CTHRC1: variants seen among roughly 807,000 people sequenced by gnomAD.
CTHRC1 encodes collagen triple helix repeat-containing protein 1.
In CTHRC1, 21 loss-of-function variants were observed where a neutral mutation model predicts 25.9. That is an observed-to-expected ratio of 0.81 (90% CI 0.57 to 1.17). The LOEUF is 1.17. Ranked by LOEUF, CTHRC1 falls within the 50% of genes most tolerant of loss-of-function variation. CTHRC1 has a pLI of 0.00. For synonymous variants in CTHRC1, 109 were observed against 113.1 expected (o/e 0.96, Z 0.23); for missense variants, 281 against 304.3 (o/e 0.92, Z 0.57).
intron 2 of CTHRC1, among the ~76,000 whole-genome samples, chr8:103,377,677 T>C (rs1366198783): frequency 6.6e-6 from 1 of 152,228 alleles, no homozygotes; most frequent in Non-Finnish European, 1.5e-5. Flanking sequence ...AATTTCGGCT[T>C]ACTGCAACCT....
rs1815794013 is a variant in CTHRC1 at position 103,375,839 on chromosome 8, T to C, written c.252T>C (p.Asp84=). The C allele has an allele frequency of 6.2e-7, 1 of 1,613,884 alleles. No homozygotes were observed. Among genetic ancestry groups the C allele is most frequent in the Non-Finnish European group, 8.5e-7 (1 of 1,179,992 alleles). The part of the protein sequence containing the change: ...IPGTPGIPGR[D]GFKGEKGECL... Reference sequence around the variant, plus strand: ...GTACACCTGGGATCCCAGGTCGGGATGGATTCAAAGGAGAAAAGGGGGAAT... The same window carrying C: ...GTACACCTGGGATCCCAGGTCGGGACGGATTCAAAGGAGAAAAGGGGGAAT... The change falls in exon 2 of 4, where the codon GAT becomes GAC. Residue 84 remains aspartate, a synonymous_variant. Coordinates refer to ENST00000330295, the MANE Select transcript of CTHRC1 (RefSeq NM_138455.4).
intron 1 of CTHRC1, 113 bp downstream of exon 1, chr8:103,371,919 T>C: frequency 9.6e-7 from 1 of 1,041,938 alleles, no homozygotes; most frequent in Non-Finnish European, 1.3e-6. Context: ...TGTACAGCTG[T>C]GTGTCGTGTG....
At position 103,378,219 on chromosome 8, in the gene CTHRC1, A is replaced by G. The variant is rs781221924; in HGVS notation, c.565A>G (p.Ile189Val). 1.2e-6 allele frequency: 2 copies of G among 1,613,234 alleles called. No homozygotes were observed. The highest frequency in any genetic ancestry group is 2.7e-5 in the African/African-American group (2 of 74,924). Residue 189 changes from isoleucine to valine, a missense_variant, in exon 3 of 4, where the codon ATT (isoleucine) becomes GTT (valine). Physicochemically the swap from Ile to Val is conservative, Grantham distance 29 (BLOSUM62 3). Coordinates refer to ENST00000330295, the MANE Select transcript of CTHRC1 (RefSeq NM_138455.4). ...AGGAAGCCCTGAAATGAATTCAACA[A>G]TTAATATTCATCGCACTTCTTCTGG... ...DQGSPEMNST[I>V]NIHRTSSVEG...
chr8:103,371,608 C>T lies in CTHRC1; in HGVS notation c.-49C>T. 1 of 1,523,272 alleles carries T rather than the reference C, an allele frequency of 6.6e-7. No homozygotes were observed. Among genetic ancestry groups the T allele is most frequent in the Non-Finnish European group, 8.8e-7 (1 of 1,137,182 alleles). The allele number at this position is 1,523,272 out of a possible 1,614,324, so 94.4% of individuals were successfully genotyped here. A position where few individuals can be genotyped will look rare whatever the true frequency, so the allele number is the denominator to read the frequency against. ...AGCCAGACGCTGACCACGTTCCTCTCCTCGGTCTCCTCCGCCTCCAGCTCC... is the reference window on the plus strand; with the variant it reads ...AGCCAGACGCTGACCACGTTCCTCTTCTCGGTCTCCTCCGCCTCCAGCTCC... On this transcript the variant is annotated 5_prime_UTR_variant, in exon 1 of 4. Transcript: ENST00000330295.
At chr8:103,372,713 G>A (rs202181455) in intron 1 of CTHRC1, 9 of 1,476,294 alleles carry the variant, frequency 6.1e-6, no homozygotes, top group Non-Finnish European at 8.4e-6. Context: ...AGTGGAGGGC[G>A]GAGAGGTTCT....
At chr8:103,375,507 A>ATG (rs141431654) in intron 1 of CTHRC1, among the ~76,000 whole-genome samples, 5 of 151,732 alleles carry the variant, frequency 3.3e-5, no homozygotes, top group Admixed American at 6.6e-5. Context: ...TCCTCCTCTG[A>ATG]TGTGTGTGTG....
intron 3 of CTHRC1, among the ~76,000 whole-genome samples, chr8:103,380,110 TAAG>T (rs1280442083): frequency 1.3e-5 from 2 of 152,152 alleles, no homozygotes; most frequent in Admixed American, 1.3e-4. Flanking sequence ...GTCTTTAAAA[TAAG>T]AAGAATCTAG....
intron 3 of CTHRC1, among the ~76,000 whole-genome samples, chr8:103,381,591 G>T (rs187369968): frequency 3.9e-5 from 6 of 152,200 alleles, no homozygotes; most frequent in African/African-American, 1.4e-4. Flanking sequence ...GGAAAAGCAG[G>T]GGGGATTTTC....
Position 103,371,707 on chromosome 8 carries a change from G to GCTGCTC in CTHRC1, c.57_62dup (p.Leu21_Leu22dup), listed in dbSNP as rs760444015. ...CCCCGCAGCGGCTCCGCGGCCTCCTGCTGCTCCTGCTGCTGCAGCTGCCCG... is the reference window on the plus strand; with the variant it reads ...CCCCGCAGCGGCTCCGCGGCCTCCTGCTGCTCCTGCTCCTGCTGCTGCAGCTGCCCG... On this transcript the variant is annotated inframe_insertion, in exon 1 of 4. Coordinates refer to ENST00000330295, the MANE Select transcript of CTHRC1 (RefSeq NM_138455.4). 793 of 1,535,482 alleles carry GCTGCTC rather than the reference G, an allele frequency of 5.2e-4. No individual in the cohort carries two copies. The highest frequency in any genetic ancestry group is 6.6e-4 in the Non-Finnish European group (750 of 1,141,602).
chr8:103,380,350 G>A (rs1310707121), intron 3 of CTHRC1, among the ~76,000 whole-genome samples: 1 of 152,216 alleles, frequency 6.6e-6, no homozygotes, highest in Non-Finnish European at 1.5e-5. Context: ...GTTGGGTGGA[G>A]TGTCACAAGT....
chr8:103,374,657 A>T (rs1815772894), intron 1 of CTHRC1, among the ~76,000 whole-genome samples: 2 of 152,198 alleles, frequency 1.3e-5, no homozygotes, highest in Admixed American at 6.5e-5. Flanking sequence ...GGACACACTT[A>T]CCCAGAGTTG....
At chr8:103,382,159 T>C (rs1391160213) in intron 3 of CTHRC1, among the ~76,000 whole-genome samples, 2 of 152,204 alleles carry the variant, frequency 1.3e-5, no homozygotes, top group Non-Finnish European at 2.9e-5. Flanking sequence ...AATAAATTGC[T>C]TTTTTGTTTT....
At chr8:103,372,373 A>G in intron 1 of CTHRC1, 1 of 1,286,490 alleles carries the variant, frequency 7.8e-7, no homozygotes, top group Non-Finnish European at 1.0e-6. Context: ...TCATCTTCCT[A>G]GGGAGTATGG....
At chr8:103,381,188 C>T (rs574569323) in intron 3 of CTHRC1, among the ~76,000 whole-genome samples, 2 of 152,068 alleles carry the variant, frequency 1.3e-5, no homozygotes, top group South Asian at 4.2e-4. Flanking sequence ...TGTTTGTTTG[C>T]TGCACCCATT....
chr8:103,379,974 A>G (rs899078415), intron 3 of CTHRC1, among the ~76,000 whole-genome samples: 1 of 152,228 alleles, frequency 6.6e-6, no homozygotes, highest in Non-Finnish European at 1.5e-5. Flanking sequence ...AGCGTTCAGG[A>G]GAGCAGAAAC....
At chr8:103,378,899 G>A (rs1815855866) in intron 3 of CTHRC1, among the ~76,000 whole-genome samples, 1 of 152,066 alleles carries the variant, frequency 6.6e-6, no homozygotes, top group Admixed American at 6.6e-5. Flanking sequence ...AGGCTGAGGT[G>A]GGAGGATGGC....
chr8:103,380,175 T>C (rs1815881334), intron 3 of CTHRC1, among the ~76,000 whole-genome samples: 3 of 152,258 alleles, frequency 2.0e-5, no homozygotes, highest in Admixed American at 1.3e-4. Flanking sequence ...CAGTCGTTGA[T>C]ATAAGCAACT....
At position 103,376,261 on chromosome 8, in the gene CTHRC1, A is replaced by C. The variant is rs976585447; in HGVS notation, c.372+302A>C. Among the ~76,000 whole-genome samples the C allele has an allele frequency of 2.6e-5, 4 of 152,338 alleles. No individual in the cohort carries two copies. The South Asian group carries it at 8.3e-4, about 32-fold the overall frequency. On this transcript the variant is annotated intron_variant, in intron 2 of 3. Transcript: ENST00000330295. ...GGACAGTAAGCAACTTTCCAATCTT[A>C]TCCTAAAGTAAATTTAAATTTAGTC... is the stretch of plus-strand genomic sequence containing the variant.
chr8:103,375,396 G>C (rs960131098), intron 1 of CTHRC1, among the ~76,000 whole-genome samples: 4 of 152,090 alleles, frequency 2.6e-5, no homozygotes, highest in African/African-American at 9.7e-5. Flanking sequence ...TACAGAGTTA[G>C]AAGAAAAAAG....
Sources: allele counts gnomAD v4.1 joint callset (sites outside exome capture counted in the v4.1 genomes callset), GRCh38; gene constraint gnomAD v4.1.1; transcripts MANE v1.5; gene names NCBI Gene and HGNC (gene_info 2026-07-23, HGNC 2026-07-21).